LAMA2: variants seen among roughly 807,000 people sequenced by gnomAD.
The protein encoded by LAMA2 is laminin subunit alpha-2.
In LAMA2, 269 loss-of-function variants were observed where a neutral mutation model predicts 364.8. That is an observed-to-expected ratio of 0.74 (90% CI 0.67 to 0.82). The LOEUF is 0.82. LAMA2 is among the 40% of genes least tolerant of loss of function. LAMA2 has a pLI of 0.00. For missense variants in LAMA2, 3,807 were observed against 3,873.2 expected, an observed-to-expected ratio of 0.98 and a Z score of 0.45; for synonymous variants, 1,379 against 1,370.6, an observed-to-expected ratio of 1.01 and a Z score of -0.14.
intron 1 of LAMA2, among the ~76,000 whole-genome samples, chr6:129,004,476 A>G (rs562550498): frequency 1.3e-5 from 2 of 151,878 alleles, no homozygotes; most frequent in African/African-American, 2.4e-5. Context: ...AAAATCATAT[A>G]TCACTACTTA....
At chr6:129,440,716 G>A in intron 42 of LAMA2, 100 bp from the exon 43 acceptor site, 2 of 1,033,796 alleles carry the variant, frequency 1.9e-6, no homozygotes, top group Non-Finnish European at 1.5e-6. Flanking sequence ...TTGTAAATGT[G>A]TCCGAGGTCA....
intron 3 of LAMA2, among the ~76,000 whole-genome samples, chr6:129,066,038 GTTTTTTT>G (rs544271722): frequency 3.2e-4 from 12 of 37,114 alleles, no homozygotes; most frequent in African/African-American, 1.0e-3. Flanking sequence ...CCAGTCTCAG[GTTTTTTT>G]TTTTTTTTTT....
chr6:129,216,306 A>G (rs568586713), intron 12 of LAMA2, among the ~76,000 whole-genome samples: 273 of 152,330 alleles, frequency 1.8e-3, no homozygotes, highest in Non-Finnish European at 2.9e-3. Flanking sequence ...TGCCTTTCAT[A>G]CATTAGAGCT....
chr6:129,487,827 A>T (rs1784668943), intron 56 of LAMA2, among the ~76,000 whole-genome samples: 1 of 152,286 alleles, frequency 6.6e-6, no homozygotes, highest in African/African-American at 2.4e-5. Context: ...TTATTTGGAC[A>T]AACTGAGAAC....
At chr6:129,275,139 C>T (rs894898206) in intron 17 of LAMA2, among the ~76,000 whole-genome samples, 1 of 151,780 alleles carries the variant, frequency 6.6e-6, no homozygotes, top group Non-Finnish European at 1.5e-5. Context: ...ATTGAATGCA[C>T]GTTGTTAAAA....
intron 63 of LAMA2, among the ~76,000 whole-genome samples, chr6:129,512,816 G>T (rs1786710193): frequency 6.6e-6 from 1 of 152,186 alleles, no homozygotes; most frequent in African/African-American, 2.4e-5. Flanking sequence ...GGAACACACA[G>T]TCTATGAGAC....
At chr6:129,309,266 C>A (rs1774064180) in intron 22 of LAMA2, among the ~76,000 whole-genome samples, 1 of 152,124 alleles carries the variant, frequency 6.6e-6, no homozygotes, top group Non-Finnish European at 1.5e-5. Context: ...TGAGTAAATT[C>A]TCTATTGCTA....
chr6:129,177,721 C>G lies in LAMA2; in HGVS notation c.1322C>G (p.Ser441Cys), dbSNP rs1044169994. The part of the protein sequence containing the change: ...KHARRGLAPG[S>C]CHCKTGFGGV... ...CTTTCTTTAGGTTTGGCACCTGGATCCTGTCATTGCAAAACTGGTTTTGGA... is the reference window on the plus strand; with the variant it reads ...CTTTCTTTAGGTTTGGCACCTGGATGCTGTCATTGCAAAACTGGTTTTGGA... The change falls in exon 10 of 65, where the codon TCC becomes TGC. Residue 441 changes from serine to cysteine, a missense_variant. By Grantham distance (112) the Ser-to-Cys change is moderately radical. Coordinates refer to ENST00000421865, the MANE Select transcript of LAMA2 (RefSeq NM_000426.4). 6.2e-6 allele frequency: 10 copies of G among 1,613,816 alleles called. No homozygotes were observed. Among genetic ancestry groups the G allele is most frequent in the Non-Finnish European group, 8.5e-6 (10 of 1,179,918 alleles).
intron 32 of LAMA2, among the ~76,000 whole-genome samples, chr6:129,355,218 T>C (rs920025116): frequency 5.3e-5 from 8 of 152,204 alleles, no homozygotes; most frequent in African/African-American, 1.9e-4. Context: ...TCTTAAGCAT[T>C]AGTGATTTCC....
chr6:128,924,346 A>C (rs964062365), intron 1 of LAMA2, among the ~76,000 whole-genome samples: 1 of 152,150 alleles, frequency 6.6e-6, no homozygotes, highest in Non-Finnish European at 1.5e-5. Flanking sequence ...TTTTCCATCC[A>C]AAATCATTCC....
At position 129,314,696 on chromosome 6, in the gene LAMA2, C is replaced by G; in HGVS notation, c.3453C>G (p.Gly1151=). 1 of 1,613,796 alleles carries G rather than the reference C, an allele frequency of 6.2e-7. No homozygotes were observed. The highest frequency in any genetic ancestry group is 8.5e-7 in the Non-Finnish European group (1 of 1,179,994). ...TCCACTGTGACAGATGCCGGCCTGGCAAATTCGGACTCGATGCCAAGAATC... is the reference window on the plus strand; with the variant it reads ...TCCACTGTGACAGATGCCGGCCTGGGAAATTCGGACTCGATGCCAAGAATC... The part of the protein sequence containing the change: ...EGIHCDRCRP[G]KFGLDAKNPL... The change falls in exon 24 of 65, where the codon GGC becomes GGG. Residue 1151 remains glycine (G), a synonymous_variant. Transcript: ENST00000421865.
chr6:129,437,433 C>T lies in LAMA2; in HGVS notation c.5969-1213C>T, dbSNP rs549236856. 3.9e-5 allele frequency among the ~76,000 whole-genome samples: 6 copies of T among 152,052 alleles called. No homozygotes were observed. In the East Asian group the frequency reaches 7.7e-4, roughly 20 times the overall value. ...TGTCAGGCATTACTCTTACTAAATACTTGTCCATCCTATCCAGGAGGGACT... is the reference window on the plus strand; with the variant it reads ...TGTCAGGCATTACTCTTACTAAATATTTGTCCATCCTATCCAGGAGGGACT... On this transcript the variant is annotated intron_variant, in intron 41 of 64. Coordinates refer to ENST00000421865, the MANE Select transcript of LAMA2 (RefSeq NM_000426.4).
chr6:129,331,877 T>C (rs1458863175), intron 29 of LAMA2, among the ~76,000 whole-genome samples: 1 of 152,154 alleles, frequency 6.6e-6, no homozygotes, highest in Admixed American at 6.5e-5. Context: ...TTACTATATC[T>C]AACAGCCATG....
intron 12 of LAMA2, among the ~76,000 whole-genome samples, chr6:129,225,284 TCTC>T (rs972242921): frequency 3.9e-5 from 6 of 152,260 alleles, no homozygotes; most frequent in African/African-American, 1.2e-4. Flanking sequence ...CAAAAAATCA[TCTC>T]CTGGATTCAC....
Position 129,267,249 on chromosome 6 carries a change from T to A in LAMA2, c.2322+30T>A, listed in dbSNP as rs773100289. On this transcript the variant is annotated intron_variant, in intron 16 of 64. Transcript: ENST00000421865. ...GTGCTCTCTTCTTTGGGGATGCTGATTGACAAGGCTGAAATCACCTCGACA... is the reference window on the plus strand; with the variant it reads ...GTGCTCTCTTCTTTGGGGATGCTGAATGACAAGGCTGAAATCACCTCGACA... 7.8e-6 allele frequency: 11 copies of A among 1,415,700 alleles called. No homozygotes were observed. The African/African-American group carries it at 1.5e-4, about 20-fold the overall frequency. 87.7% of individuals were successfully genotyped at this position (1,415,700 alleles called of 1,614,324 possible).
At chr6:129,137,573 A>T (rs894257331) in intron 4 of LAMA2, among the ~76,000 whole-genome samples, 1 of 151,582 alleles carries the variant, frequency 6.6e-6, no homozygotes, top group Non-Finnish European at 1.5e-5. Context: ...AGAATAAATA[A>T]ATTTATACTA....
chr6:129,210,443 T>C (rs17729268), intron 12 of LAMA2, among the ~76,000 whole-genome samples: 12,819 of 151,834 alleles, frequency 0.084, 681 homozygotes, highest in Non-Finnish European at 0.12. Context: ...CACATTTACA[T>C]TGGAATAAAA....
chr6:129,349,457 C>T (rs1479762064), intron 31 of LAMA2, 73 bp downstream of exon 31: 3 of 1,182,632 alleles, frequency 2.5e-6, no homozygotes, highest in African/African-American at 1.5e-5. Flanking sequence ...AATAGGAAAA[C>T]ATTCATTATT....
intron 4 of LAMA2, among the ~76,000 whole-genome samples, chr6:129,138,482 A>AT (rs1777932066): frequency 6.6e-6 from 1 of 152,134 alleles, no homozygotes; most frequent in Non-Finnish European, 1.5e-5. Context: ...GGCCAGGAAG[A>AT]TTCTTGGTAA....
Sources: gnomAD v4.1 joint callset for allele counts (sites outside exome capture counted in the v4.1 genomes callset) on GRCh38, gnomAD v4.1.1 for gene constraint, MANE v1.5 for transcripts, NCBI Gene and HGNC (gene_info 2026-07-23, HGNC 2026-07-21) for gene names.